APBB1IP: variants seen among roughly 807,000 people sequenced by gnomAD.
The protein encoded by APBB1IP is amyloid beta precursor protein binding family B member 1 interacting protein.
APBB1IP carries 27 observed loss-of-function variants against 64.9 expected under a neutral mutation model. The ratio of observed to expected loss-of-function variants is 0.42; its 90% CI spans 0.31 to 0.57. The LOEUF is 0.57. APBB1IP is among the 20% of genes least tolerant of loss of function. The probability of loss-of-function intolerance (pLI) is 0.20; values close to 1 mark genes in which losing one functional copy is unlikely to be tolerated. For synonymous variants in APBB1IP, 392 were observed against 331.0 expected (o/e 1.18, Z -2.00); for missense variants, 812 against 845.5 (o/e 0.96, Z 0.49).
chr10:26,515,027 AC>A (rs1023908199), intron 8 of APBB1IP, among the ~76,000 whole-genome samples: 31 of 128,912 alleles, frequency 2.4e-4, no homozygotes, highest in Admixed American at 4.2e-4. Flanking sequence ...GCATGACACC[AC>A]CCCCGGCTAA....
intron 8 of APBB1IP, among the ~76,000 whole-genome samples, chr10:26,524,130 C>T (rs892861388): frequency 3.3e-5 from 5 of 152,104 alleles, no homozygotes; most frequent in Non-Finnish European, 7.4e-5. Context: ...CTTTCTCCTT[C>T]CCGCATTTAT....
chr10:26,511,989 T>C (rs1437663778), intron 7 of APBB1IP, 83 bp downstream of exon 7: 2 of 1,438,236 alleles, frequency 1.4e-6, no homozygotes, highest in Non-Finnish European at 1.9e-6. Context: ...ATTCTTTTTT[T>C]CTCTTTAATT....
intron 8 of APBB1IP, among the ~76,000 whole-genome samples, chr10:26,520,533 A>T (rs1193862184): frequency 6.6e-6 from 1 of 152,192 alleles, no homozygotes; most frequent in Non-Finnish European, 1.5e-5. Context: ...GTCTTGGGGG[A>T]TAGTGCCTGG....
At chr10:26,556,793 G>C (rs76844789) in intron 11 of APBB1IP, among the ~76,000 whole-genome samples, 1 of 152,258 alleles carries the variant, frequency 6.6e-6, no homozygotes, top group East Asian at 1.9e-4. Context: ...ATGTCTGAGT[G>C]GGGGGTGGGT....
chr10:26,456,339 A>G (rs1835525039), intron 2 of APBB1IP, among the ~76,000 whole-genome samples: 1 of 152,200 alleles, frequency 6.6e-6, no homozygotes, highest in Non-Finnish European at 1.5e-5. Flanking sequence ...TGGTGTGCCT[A>G]GGAATTATAG....
At chr10:26,483,217 AG>A (rs1310993907) in intron 2 of APBB1IP, among the ~76,000 whole-genome samples, 1 of 151,780 alleles carries the variant, frequency 6.6e-6, no homozygotes, top group African/African-American at 2.4e-5. Flanking sequence ...AATACAGCTG[AG>A]GAAAACCCAC....
intron 8 of APBB1IP, among the ~76,000 whole-genome samples, chr10:26,530,924 T>A (rs1315660168): frequency 6.6e-6 from 1 of 152,216 alleles, no homozygotes; most frequent in Non-Finnish European, 1.5e-5. Flanking sequence ...ACATTTAAGA[T>A]TTAAATAGTT....
At chr10:26,550,872 TTAGTGGGCGTATGCAGAAATTGTGAGCAG>T (rs1836821933) in intron 11 of APBB1IP, among the ~76,000 whole-genome samples, 1 of 152,244 alleles carries the variant, frequency 6.6e-6, no homozygotes, top group Admixed American at 6.5e-5. Context: ...CCGTTCTTTT[TTAGTGGGCGTATGCAGAAATTGTGAGCAG>T]ATTGACTTTT....
At chr10:26,468,777 C>T (rs1324420258) in intron 2 of APBB1IP, among the ~76,000 whole-genome samples, 2 of 152,232 alleles carry the variant, frequency 1.3e-5, no homozygotes, top group Non-Finnish European at 2.9e-5. Flanking sequence ...CTTGTTCCTG[C>T]TCCTGTTCAC....
chr10:26,488,205 A>G (rs2132427426), intron 2 of APBB1IP, among the ~76,000 whole-genome samples: 1 of 152,164 alleles, frequency 6.6e-6, no homozygotes, highest in South Asian at 2.1e-4. Context: ...CCATGGAGAT[A>G]ATATCTACTT....
intron 2 of APBB1IP, among the ~76,000 whole-genome samples, chr10:26,477,675 A>G (rs1835790914): frequency 2.0e-5 from 3 of 152,230 alleles, no homozygotes; most frequent in African/African-American, 7.2e-5. Context: ...GCAACAAAAC[A>G]CAAAGGCGAA....
At chr10:26,471,592 T>C (rs1259147501) in intron 2 of APBB1IP, among the ~76,000 whole-genome samples, 1 of 152,200 alleles carries the variant, frequency 6.6e-6, no homozygotes, top group Non-Finnish European at 1.5e-5. Context: ...CCCAATGTAT[T>C]GTGGACATAC....
chr10:26,497,952 C>T (rs978624525), intron 4 of APBB1IP, among the ~76,000 whole-genome samples: 1 of 151,954 alleles, frequency 6.6e-6, no homozygotes, highest in Non-Finnish European at 1.5e-5. Flanking sequence ...GTCTCGAACT[C>T]CAGACCTCAG....
chr10:26,489,726 TA>T (rs1242237831), intron 2 of APBB1IP, among the ~76,000 whole-genome samples: 1 of 152,230 alleles, frequency 6.6e-6, no homozygotes, highest in Non-Finnish European at 1.5e-5. Context: ...AGAATTGTGA[TA>T]TTTTTAAAAT....
intron 9 of APBB1IP, among the ~76,000 whole-genome samples, chr10:26,535,202 T>C (rs1836605267): frequency 6.6e-6 from 1 of 152,182 alleles, no homozygotes; most frequent in Non-Finnish European, 1.5e-5. Flanking sequence ...AACTAGAAGA[T>C]GTGCTTTGTT....
At chr10:26,469,098 T>C (rs1259936120) in intron 2 of APBB1IP, among the ~76,000 whole-genome samples, 2 of 151,860 alleles carry the variant, frequency 1.3e-5, no homozygotes, top group Non-Finnish European at 2.9e-5. Flanking sequence ...CTTCTTCTTT[T>C]TTTTTTTTCA....
Position 26,475,145 on chromosome 10 carries a change from T to C in APBB1IP, c.1-17182T>C, listed in dbSNP as rs1341579256. On this transcript the variant is annotated intron_variant, in intron 2 of 14. Coordinates refer to ENST00000376236, the MANE Select transcript of APBB1IP (RefSeq NM_019043.4). ...TTTTCTTTTTTTTTTTTTTTTGAGATAGAGTCTCACTCTGTTGTCCAGGCT... is the reference window on the plus strand; with the variant it reads ...TTTTCTTTTTTTTTTTTTTTTGAGACAGAGTCTCACTCTGTTGTCCAGGCT... 3.3e-5 allele frequency among the ~76,000 whole-genome samples: 5 copies of C among 150,362 alleles called. No homozygotes were observed. In the East Asian group the frequency reaches 7.8e-4, roughly 23 times the overall value.
At chr10:26,525,062 C>G (rs1208756583) in intron 8 of APBB1IP, among the ~76,000 whole-genome samples, 3 of 146,802 alleles carry the variant, frequency 2.0e-5, no homozygotes, top group Non-Finnish European at 4.4e-5. Flanking sequence ...GTAGGAGGAT[C>G]ACTTGAGCCC....
intron 4 of APBB1IP, among the ~76,000 whole-genome samples, chr10:26,499,233 T>A (rs1836066536): frequency 6.6e-6 from 1 of 151,632 alleles, no homozygotes; most frequent in South Asian, 2.1e-4. Context: ...ACCACTGCAC[T>A]CCAGCCTGGG....
Sources: gnomAD v4.1 joint callset for allele counts (sites outside exome capture counted in the v4.1 genomes callset) on GRCh38, gnomAD v4.1.1 for gene constraint, MANE v1.5 for transcripts, NCBI Gene and HGNC (gene_info 2026-07-23, HGNC 2026-07-21) for gene names.